The following ADAM12 variants were observed in gnomAD, a reference collection of about 807,000 sequenced individuals.
The protein encoded by ADAM12 is disintegrin and metalloproteinase domain-containing protein 12.
Under a neutral mutation model 106.4 loss-of-function variants are expected in ADAM12, and 70 were observed. The ratio of observed to expected loss-of-function variants is 0.66; its 90% CI spans 0.54 to 0.80. The LOEUF (loss-of-function observed/expected upper bound fraction) is 0.80, where lower values mean the gene tolerates loss of function less well. Ranked by LOEUF, ADAM12 falls within the 30% of genes least tolerant of loss-of-function variation. ADAM12 has a pLI of 0.00. For synonymous variants in ADAM12, 420 were observed against 433.5 expected (o/e 0.97, Z 0.39); for missense variants, 1,010 against 1,171.9 (o/e 0.86, Z 2.02).
Position 126,298,007 on chromosome 10 carries a change from A to C in ADAM12, c.187-19019T>G, listed in dbSNP as rs527524026. Among the ~76,000 whole-genome samples, 16 of 152,226 alleles carry C rather than the reference A, an allele frequency of 1.1e-4. No individual in the cohort carries two copies. The South Asian group carries it at 3.3e-3, about 32-fold the overall frequency. On this transcript the variant is annotated intron_variant, in intron 2 of 22. Coordinates refer to ENST00000448723, the MANE Select transcript of ADAM12 (RefSeq NM_001288973.2). ...TTGGGTTGGGATCTCAAAATGCTAT[A>C]CCCAAGGAGAGAGGGCGAATGAGAA...
At chr10:126,328,013 T>A (rs1306185133) in intron 2 of ADAM12, among the ~76,000 whole-genome samples, 1 of 152,222 alleles carries the variant, frequency 6.6e-6, no homozygotes, top group Non-Finnish European at 1.5e-5. Flanking sequence ...CATGGCTGGC[T>A]CTTTAGAACT....
At chr10:126,058,145 T>C (rs185232478) in intron 14 of ADAM12, among the ~76,000 whole-genome samples, 1 of 152,282 alleles carries the variant, frequency 6.6e-6, no homozygotes, top group East Asian at 1.9e-4. Flanking sequence ...GGATTGGCCC[T>C]CCTTTCCCTC....
Position 126,064,901 on chromosome 10 carries a change from A to G in ADAM12, c.1514T>C (p.Leu505Pro). Reference sequence around the variant, plus strand: ...ATCCTGACATGAGTGCCCATCGTGCAGGTACACGTTGGCTGGGCAGTGAGG... The same window carrying G: ...ATCCTGACATGAGTGCCCATCGTGCGGGTACACGTTGGCTGGGCAGTGAGG... ...ASPHCPANVY[L>P]HDGHSCQDVD... Residue 505 changes from leucine (L) to proline (P), a missense_variant, in exon 14 of 23, where the codon CTG (leucine) becomes CCG (proline). Leu to Pro is a moderately conservative substitution (Grantham distance 98). This residue lies in a region of ADAM12 where 615 missense variants were observed against 708.5 expected (regional missense o/e 0.87). Coordinates refer to ENST00000448723, the MANE Select transcript of ADAM12 (RefSeq NM_001288973.2). This position sits in a 1 kb window ranked among gnomAD's most constrained non-coding sequence, Gnocchi z 4.4. 2 of 1,613,160 alleles carry G rather than the reference A, an allele frequency of 1.2e-6. No homozygotes were observed. Among genetic ancestry groups the G allele is most frequent in the Non-Finnish European group, 1.7e-6 (2 of 1,179,720 alleles).
At chr10:126,299,973 A>C (rs1365794321) in intron 2 of ADAM12, among the ~76,000 whole-genome samples, 1 of 152,116 alleles carries the variant, frequency 6.6e-6, no homozygotes, top group African/African-American at 2.4e-5. Flanking sequence ...TGACATCCTC[A>C]TATCACCGTC....
At chr10:126,116,415 C>G (rs1955983942) in intron 6 of ADAM12, among the ~76,000 whole-genome samples, 1 of 152,082 alleles carries the variant, frequency 6.6e-6, no homozygotes, top group East Asian at 1.9e-4. Flanking sequence ...GTAAAATAAA[C>G]CTGCCGTGGG....
intron 11 of ADAM12, among the ~76,000 whole-genome samples, chr10:126,088,724 C>CAAAACAA (rs1955405802): frequency 6.7e-6 from 1 of 148,750 alleles, no homozygotes; most frequent in South Asian, 2.1e-4. Flanking sequence ...AAAACAAAAA[C>CAAAACAA]AAAAAGAGAG....
chr10:126,103,119 T>A (rs1210046925), intron 8 of ADAM12, among the ~76,000 whole-genome samples: 1 of 152,130 alleles, frequency 6.6e-6, no homozygotes, highest in Non-Finnish European at 1.5e-5. Context: ...TAGTGCTAGG[T>A]TTGCTGCTTC....
At chr10:126,283,740 A>G (rs929321869) in intron 2 of ADAM12, among the ~76,000 whole-genome samples, 2 of 152,094 alleles carry the variant, frequency 1.3e-5, no homozygotes, top group Non-Finnish European at 2.9e-5. Flanking sequence ...TGTGTGACAA[A>G]TATCTTCTCC....
At chr10:126,233,519 G>A (rs552879501) in intron 3 of ADAM12, among the ~76,000 whole-genome samples, 1 of 151,350 alleles carries the variant, frequency 6.6e-6, no homozygotes, top group East Asian at 2.0e-4. Flanking sequence ...TTGGGTGGGC[G>A]GTTGGGGAAA....
intron 2 of ADAM12, among the ~76,000 whole-genome samples, chr10:126,282,272 T>C (rs1417707214): frequency 1.8e-4 from 28 of 152,282 alleles, no homozygotes; most frequent in Non-Finnish European, 8.8e-5. Flanking sequence ...TTCACCTTAA[T>C]TGCCTTTTTA....
Position 126,014,047 on chromosome 10 carries a change from C to T in ADAM12, c.*3232G>A, listed in dbSNP as rs1054481205. On this transcript the variant is annotated 3_prime_UTR_variant, in exon 23 of 23. Transcript: ENST00000448723. Reference sequence around the variant, plus strand: ...CCCCCGAATACATAGGGGAGCCCTGCAAAGCAGTTTTGAAATGAGTAGTAC... The same window carrying T: ...CCCCCGAATACATAGGGGAGCCCTGTAAAGCAGTTTTGAAATGAGTAGTAC... 6.6e-6 allele frequency: 1 copy of T among 152,196 alleles called. No homozygotes were observed. The highest frequency in any genetic ancestry group is 2.4e-5 in the African/African-American group (1 of 41,424). The allele number at this position is 152,196 out of a possible 1,614,324, so 9.4% of individuals were successfully genotyped here.
rs186236015 is a variant in ADAM12, at chr10:126,258,481, T to C, written c.260+20434A>G. Among the ~76,000 whole-genome samples, 311 of 152,326 alleles carry C rather than the reference T, an allele frequency of 2.0e-3. 2 individuals are homozygous for C. The highest frequency in any genetic ancestry group is 7.1e-3 in the African/African-American group (296 of 41,586). On this transcript the variant is annotated intron_variant, in intron 3 of 22. Coordinates refer to ENST00000448723, the MANE Select transcript of ADAM12 (RefSeq NM_001288973.2). ...TCTGCTCTTGATACTTTTTGTTTCATTCAGGAAGCCATTCTTAAAACACCC... is the reference window on the plus strand; with the variant it reads ...TCTGCTCTTGATACTTTTTGTTTCACTCAGGAAGCCATTCTTAAAACACCC...
At chr10:126,058,847 G>A (rs988138300) in intron 14 of ADAM12, among the ~76,000 whole-genome samples, 1 of 152,178 alleles carries the variant, frequency 6.6e-6, no homozygotes, top group Non-Finnish European at 1.5e-5. Context: ...TGTTACAAAG[G>A]CAGAGATTTG....
chr10:126,290,475 C>T (rs1214757660), intron 2 of ADAM12, among the ~76,000 whole-genome samples: 1 of 152,146 alleles, frequency 6.6e-6, no homozygotes, highest in East Asian at 1.9e-4. Flanking sequence ...TTAGTATGAT[C>T]GCTATGAGAT....
chr10:126,161,917 T>C (rs1297728737), intron 3 of ADAM12, among the ~76,000 whole-genome samples: 1 of 152,202 alleles, frequency 6.6e-6, no homozygotes, highest in African/African-American at 2.4e-5. Flanking sequence ...AACATTCTTT[T>C]TCTCTGCTTA....
At chr10:126,238,490 CAAACA>C (rs1958463240) in intron 3 of ADAM12, among the ~76,000 whole-genome samples, 1 of 152,152 alleles carries the variant, frequency 6.6e-6, no homozygotes, top group African/African-American at 2.4e-5. Context: ...AACAAACAAA[CAAACA>C]AAATTTAATT....
Position 126,043,744 on chromosome 10 carries a change from C to T in ADAM12, c.1996-596G>A, listed in dbSNP as rs569610324. 4.0e-4 allele frequency among the ~76,000 whole-genome samples: 61 copies of T among 152,336 alleles called. No individual in the cohort carries two copies. Among genetic ancestry groups the T allele is most frequent in the African/African-American group, 1.4e-3 (59 of 41,570 alleles). ...ACTAATACTTCCTGAAGCCTGTCCC[C>T]GTGTGTCCTTCCTGCAACGCCTGCC... On this transcript the variant is annotated intron_variant, in intron 17 of 22. Transcript: ENST00000448723. The surrounding 1 kb of genome is among the most constrained non-coding windows in gnomAD (Gnocchi z 4.1).
intron 1 of ADAM12, among the ~76,000 whole-genome samples, chr10:126,365,623 G>A (rs1430886211): frequency 1.3e-5 from 2 of 152,184 alleles, no homozygotes. Context: ...AAGGAGAAGT[G>A]TGGAGCAAAG....
chr10:126,379,562 G>T (rs753365767), intron 1 of ADAM12, among the ~76,000 whole-genome samples: 3 of 152,084 alleles, frequency 2.0e-5, no homozygotes, highest in Non-Finnish European at 4.4e-5. Flanking sequence ...GGAGCTAGGG[G>T]AGGGATAACA....
Sources: gnomAD v4.1 joint callset for allele counts (sites outside exome capture counted in the v4.1 genomes callset) on GRCh38, gnomAD v4.1.1 for gene constraint, gnomAD v4.1.1 regional missense constraint, Gnocchi (gnomAD v3.1) non-coding constraint, MANE v1.5 for transcripts, NCBI Gene and HGNC (gene_info 2026-07-23, HGNC 2026-07-21) for gene names.